Variants in HECW2 observed in about 807,000 individuals in gnomAD.
The protein encoded by HECW2 is HECT, C2 and WW domain containing E3 ubiquitin protein ligase 2.
In HECW2, 61 loss-of-function variants were observed where a neutral mutation model predicts 175.2. The ratio of observed to expected loss-of-function variants is 0.35; its 90% CI spans 0.28 to 0.43. HECW2 has a LOEUF of 0.43. Among genes scored for constraint, HECW2 ranks in the 20% least tolerant of loss-of-function variants. The pLI, the probability that HECW2 is intolerant of heterozygous loss-of-function variation, is 1.00. For synonymous variants in HECW2, 671 were observed against 731.0 expected, an observed-to-expected ratio of 0.92 and a Z score of 1.32; for missense variants, 1,524 against 2,000.5, an observed-to-expected ratio of 0.76 and a Z score of 4.54.
At chr2:196,303,200 A>C (rs576249424) in intron 13 of HECW2, among the ~76,000 whole-genome samples, 16 of 152,288 alleles carry the variant, frequency 1.1e-4, no homozygotes, top group Non-Finnish European at 8.8e-5. Context: ...AGTTCTGTTT[A>C]TGTGATGAAT....
At chr2:196,317,511 CAAAAG>C (rs1237155173) in intron 9 of HECW2, 142 bp from the exon 10 acceptor site, 1 of 654,852 alleles carries the variant, frequency 1.5e-6, no homozygotes, top group African/African-American at 1.8e-5. Flanking sequence ...GACCTAGAAA[CAAAAG>C]AAGAGAATAG....
At chr2:196,567,177 A>G (rs950955471) in intron 1 of HECW2, among the ~76,000 whole-genome samples, 1 of 152,230 alleles carries the variant, frequency 6.6e-6, no homozygotes, top group African/African-American at 2.4e-5. Flanking sequence ...CTGACCGCAC[A>G]GATGACAAGG....
At chr2:196,438,377 CTTA>C (rs1214482585) in intron 1 of HECW2, among the ~76,000 whole-genome samples, 1 of 152,172 alleles carries the variant, frequency 6.6e-6, no homozygotes, top group Non-Finnish European at 1.5e-5. Context: ...TATAGCCAAA[CTTA>C]TTGTTTCAAC....
intron 1 of HECW2, among the ~76,000 whole-genome samples, chr2:196,559,291 T>C (rs557733126): frequency 6.3e-4 from 96 of 152,280 alleles, no homozygotes; most frequent in Non-Finnish European, 1.2e-3. Flanking sequence ...CAACAGCACA[T>C]ACACCAGCCC....
chr2:196,280,012 A>T (rs1450426368), intron 14 of HECW2, among the ~76,000 whole-genome samples: 2 of 152,240 alleles, frequency 1.3e-5, no homozygotes, highest in Non-Finnish European at 2.9e-5. Context: ...AAAACTATAC[A>T]AGTGCTATCT....
chr2:196,517,343 A>C (rs1461386766), intron 1 of HECW2, among the ~76,000 whole-genome samples: 28 of 152,226 alleles, frequency 1.8e-4, no homozygotes, highest in Admixed American at 1.8e-3. Flanking sequence ...CATACCCTTT[A>C]TACTAAATCA....
chr2:196,415,519 T>C (rs193184613), intron 2 of HECW2, among the ~76,000 whole-genome samples: 1 of 145,056 alleles, frequency 6.9e-6, no homozygotes, highest in East Asian at 1.9e-4. Flanking sequence ...AGCCCTGATG[T>C]GTAGTGTTTG....
chr2:196,382,773 G>C (rs1317883382), intron 2 of HECW2, among the ~76,000 whole-genome samples: 1 of 101,812 alleles, frequency 9.8e-6, no homozygotes, highest in Non-Finnish European at 1.9e-5. Context: ...TGCTTTACAT[G>C]AATGTTCTAA....
chr2:196,463,402 C>T (rs1191452016), intron 1 of HECW2, among the ~76,000 whole-genome samples: 1 of 137,682 alleles, frequency 7.3e-6, no homozygotes, highest in Non-Finnish European at 1.5e-5. Flanking sequence ...ACCCTCTACC[C>T]TGCAAAAAAA....
At chr2:196,313,806 C>G (rs760419553) in intron 10 of HECW2, among the ~76,000 whole-genome samples, 4 of 152,208 alleles carry the variant, frequency 2.6e-5, no homozygotes, top group African/African-American at 4.8e-5. Context: ...AATCCCAGCA[C>G]TTTGGGAGGC....
chr2:196,434,160 ATC>A (rs1272798751), intron 1 of HECW2, among the ~76,000 whole-genome samples: 1 of 152,124 alleles, frequency 6.6e-6, no homozygotes, highest in East Asian at 1.9e-4. Context: ...AGGGATTTTC[ATC>A]TGTTTTGTTG....
intron 2 of HECW2, among the ~76,000 whole-genome samples, chr2:196,425,245 G>A (rs558728994): frequency 2.5e-4 from 37 of 148,204 alleles, no homozygotes; most frequent in South Asian, 4.3e-4. Flanking sequence ...AAAAAACTGC[G>A]ACAAGTCACC....
In HECW2 at chr2:196,326,483, C is replaced by T. The variant is rs534758276; in HGVS notation, c.572-1334G>A. On this transcript the variant is annotated intron_variant, in intron 5 of 28. Transcript: ENST00000644978. ...TTTTTGAGACAGAGTCTCGTTGTGT[C>T]GCCAGGCTGGAGTGCTGTGGTGTGA... Among the ~76,000 whole-genome samples the T allele has an allele frequency of 2.0e-5, 3 of 149,324 alleles. No homozygotes were observed. In the South Asian group the frequency reaches 6.4e-4, roughly 32 times the overall value.
chr2:196,538,203 T>G (rs773350965), intron 1 of HECW2, among the ~76,000 whole-genome samples: 1 of 152,206 alleles, frequency 6.6e-6, no homozygotes, highest in Non-Finnish European at 1.5e-5. Flanking sequence ...CTGAGGCATA[T>G]CCTCCACTTT....
At chr2:196,442,600 T>C (rs900217841) in intron 1 of HECW2, among the ~76,000 whole-genome samples, 1 of 152,210 alleles carries the variant, frequency 6.6e-6, no homozygotes, top group Non-Finnish European at 1.5e-5. Context: ...ATCTACCTTA[T>C]AGACTATTAT....
At chr2:196,486,000 G>A (rs1575597942) in intron 1 of HECW2, among the ~76,000 whole-genome samples, 1 of 152,028 alleles carries the variant, frequency 6.6e-6, no homozygotes, top group Admixed American at 6.5e-5. Flanking sequence ...CACACTATTC[G>A]TAACTCTTAC....
chr2:196,293,330 T>A (rs753526468), intron 13 of HECW2, among the ~76,000 whole-genome samples: 1 of 152,230 alleles, frequency 6.6e-6, no homozygotes, highest in Non-Finnish European at 1.5e-5. Context: ...AAGGACATTA[T>A]CTCATTCCTT....
At chr2:196,347,100 T>A (rs1357307607) in intron 2 of HECW2, among the ~76,000 whole-genome samples, 1 of 151,578 alleles carries the variant, frequency 6.6e-6, no homozygotes, top group Admixed American at 6.6e-5. Flanking sequence ...TCACCCAGGC[T>A]GGAGTACAGT....
At chr2:196,316,628 T>C (rs913860790) in intron 10 of HECW2, 5 of 152,344 alleles carry the variant, frequency 3.3e-5, no homozygotes, top group African/African-American at 1.2e-4. Flanking sequence ...TATGATTGGC[T>C]AAGGGTATCA....
Sources: gnomAD v4.1 joint callset for allele counts (sites outside exome capture counted in the v4.1 genomes callset) on GRCh38, gnomAD v4.1.1 for gene constraint, MANE v1.5 for transcripts, NCBI Gene and HGNC (gene_info 2026-07-23, HGNC 2026-07-21) for gene names.